The following MLLT3 variants were observed in gnomAD, a reference collection of about 807,000 sequenced individuals.
MLLT3 encodes MLLT3 super elongation complex subunit.
In MLLT3, 4 loss-of-function variants were observed where a neutral mutation model predicts 53.2. The observed-to-expected ratio is 0.08, with a 90% CI of 0.04 to 0.17. The LOEUF (loss-of-function observed/expected upper bound fraction) is 0.17, where lower values mean the gene tolerates loss of function less well. Ranked by LOEUF, MLLT3 falls within the 10% of genes least tolerant of loss-of-function variation. The pLI is 1.00. For synonymous variants in MLLT3, 283 were observed against 230.6 expected (o/e 1.23, Z -2.06); for missense variants, 569 against 684.0 (o/e 0.83, Z 1.87).
At chr9:20,449,250 G>A (rs867276710) in intron 3 of MLLT3, among the ~76,000 whole-genome samples, 3 of 152,098 alleles carry the variant, frequency 2.0e-5, no homozygotes, top group Admixed American at 6.6e-5. Context: ...AATCATCATT[G>A]TGCCCTCAAA....
chr9:20,543,195 G>A (rs1818687559), intron 2 of MLLT3, among the ~76,000 whole-genome samples: 1 of 152,200 alleles, frequency 6.6e-6, no homozygotes, highest in Non-Finnish European at 1.5e-5. Context: ...GTTCACTGAA[G>A]GAGCACATTT....
At chr9:20,374,483 A>G (rs946665317) in intron 5 of MLLT3, among the ~76,000 whole-genome samples, 2 of 152,234 alleles carry the variant, frequency 1.3e-5, no homozygotes, top group African/African-American at 4.8e-5. Context: ...TGGGTAAAAT[A>G]TTGAGATAGC....
intron 2 of MLLT3, among the ~76,000 whole-genome samples, chr9:20,569,954 C>T (rs1819487064): frequency 6.6e-6 from 1 of 152,198 alleles, no homozygotes; most frequent in East Asian, 1.9e-4. Context: ...GTTGGCTCCT[C>T]ATTTGCCCCC....
intron 10 of MLLT3, among the ~76,000 whole-genome samples, chr9:20,351,210 G>A (rs1399969337): frequency 2.6e-5 from 4 of 152,170 alleles, no homozygotes; most frequent in Admixed American, 6.5e-5. Context: ...ATTCTAATAC[G>A]CCACAGATTC....
At position 20,616,373 on chromosome 9, in the gene MLLT3, A is replaced by G. The variant is rs367697745; in HGVS notation, c.193+4281T>C. Among the ~76,000 whole-genome samples, 33 of 152,316 alleles carry G rather than the reference A, an allele frequency of 2.2e-4. No homozygotes were observed. The East Asian group carries it at 2.9e-3, about 13-fold the overall frequency. On this transcript the variant is annotated intron_variant, in intron 2 of 10. Transcript: ENST00000380338. ...ACTTTTAGATCTTTAACTTTTAGAT[A>G]GCTACATGCTAATCCCTATTTTTAA...
At chr9:20,545,528 T>C (rs537979467) in intron 2 of MLLT3, among the ~76,000 whole-genome samples, 1 of 152,162 alleles carries the variant, frequency 6.6e-6, no homozygotes, top group Non-Finnish European at 1.5e-5. Flanking sequence ...TACTGTACAT[T>C]TGGAAACTAT....
chr9:20,457,270 C>T (rs1414433193), intron 2 of MLLT3, among the ~76,000 whole-genome samples: 4 of 97,066 alleles, frequency 4.1e-5, no homozygotes, highest in Admixed American at 1.5e-4. Flanking sequence ...TTTTTTGAGA[C>T]GGAGTTTCAC....
intron 2 of MLLT3, among the ~76,000 whole-genome samples, chr9:20,522,910 C>T (rs762601938): frequency 2.0e-5 from 3 of 151,888 alleles, no homozygotes; most frequent in East Asian, 1.9e-4. Flanking sequence ...TTCAGTGAGA[C>T]GTGATTGTGC....
Position 20,620,291 on chromosome 9 carries a change from A to ACGCGCG in MLLT3, c.193+362_193+363insCGCGCG, listed in dbSNP as rs1253221653. Among the ~76,000 whole-genome samples the ACGCGCG allele has an allele frequency of 2.1e-4, 29 of 140,852 alleles. No individual in the cohort carries two copies. Among genetic ancestry groups the ACGCGCG allele is most frequent in the African/African-American group, 7.5e-4 (28 of 37,506 alleles). 92.4% of individuals were successfully genotyped at this position (140,852 alleles called of 152,430 possible). ...CACACACACACACACACACACACACACACGCGCAAAGTGTTTATTCCCTCC... is the reference window on the plus strand; with the variant it reads ...CACACACACACACACACACACACACACGCGCGCACGCGCAAAGTGTTTATTCCCTCC... On this transcript the variant is annotated intron_variant, in intron 2 of 10. Transcript: ENST00000380338. The surrounding 1 kb of genome is among the most constrained non-coding windows in gnomAD (Gnocchi z 6.1).
chr9:20,503,363 T>C (rs550086872), intron 2 of MLLT3, among the ~76,000 whole-genome samples: 13 of 152,084 alleles, frequency 8.5e-5, no homozygotes, highest in Admixed American at 3.3e-4. Flanking sequence ...ATCAATGGAA[T>C]GGAATAGAGG....
At chr9:20,528,854 C>T (rs569706394) in intron 2 of MLLT3, among the ~76,000 whole-genome samples, 2 of 152,260 alleles carry the variant, frequency 1.3e-5, no homozygotes, top group East Asian at 3.9e-4. Flanking sequence ...TTTGGGGAAC[C>T]AGCATTTGGC....
intron 4 of MLLT3, among the ~76,000 whole-genome samples, chr9:20,447,432 G>C (rs766549440): frequency 6.6e-6 from 1 of 152,182 alleles, no homozygotes; most frequent in Non-Finnish European, 1.5e-5. Context: ...GATGATCCCA[G>C]TGACACTCAT....
chr9:20,548,973 C>T lies in MLLT3; in HGVS notation c.193+71681G>A, dbSNP rs975925501. 3.3e-5 allele frequency among the ~76,000 whole-genome samples: 5 copies of T among 152,046 alleles called. No individual in the cohort carries two copies. The South Asian group carries it at 8.3e-4, about 25-fold the overall frequency. Reference sequence around the variant, plus strand: ...AGGACTACAGCCATGCATCTCCATACCCGGCTAATTTTAGTATTTTTTGTA... The same window carrying T: ...AGGACTACAGCCATGCATCTCCATATCCGGCTAATTTTAGTATTTTTTGTA... On this transcript the variant is annotated intron_variant, in intron 2 of 10. Transcript: ENST00000380338.
chr9:20,380,882 G>C (rs573458832), intron 5 of MLLT3, among the ~76,000 whole-genome samples: 17 of 151,920 alleles, frequency 1.1e-4, no homozygotes, highest in African/African-American at 4.1e-4. Flanking sequence ...CTAAAAATGC[G>C]AAAGAAAGCC....
At chr9:20,561,355 G>A (rs1819205589) in intron 2 of MLLT3, among the ~76,000 whole-genome samples, 1 of 152,000 alleles carries the variant, frequency 6.6e-6, no homozygotes, top group Admixed American at 6.6e-5. Context: ...TCATTCTGAA[G>A]ACTATCCCCA....
chr9:20,476,608 C>T (rs887771264), intron 2 of MLLT3, among the ~76,000 whole-genome samples: 1 of 152,082 alleles, frequency 6.6e-6, no homozygotes, highest in African/African-American at 2.4e-5. Context: ...TATAAAATTA[C>T]ACCAGAGGCT....
chr9:20,614,318 C>T (rs1046121756), intron 2 of MLLT3, among the ~76,000 whole-genome samples: 88 of 150,504 alleles, frequency 5.8e-4, no homozygotes, highest in Non-Finnish European at 7.4e-5. Flanking sequence ...TAGTTGAACC[C>T]GGGAGGCAGA....
intron 10 of MLLT3, among the ~76,000 whole-genome samples, chr9:20,347,124 C>T (rs1430865881): frequency 6.7e-6 from 1 of 150,222 alleles, no homozygotes; most frequent in Non-Finnish European, 1.5e-5. Flanking sequence ...TCTACAATCC[C>T]ACCCCCTTAA....
At chr9:20,539,843 C>T (rs771596212) in intron 2 of MLLT3, among the ~76,000 whole-genome samples, 1 of 152,192 alleles carries the variant, frequency 6.6e-6, no homozygotes, top group Non-Finnish European at 1.5e-5. Flanking sequence ...AGTTCAAAGT[C>T]TCATCTGAGA....
Sources: gnomAD v4.1 joint callset for allele counts (sites outside exome capture counted in the v4.1 genomes callset) on GRCh38, gnomAD v4.1.1 for gene constraint, Gnocchi (gnomAD v3.1) non-coding constraint, MANE v1.5 for transcripts, NCBI Gene and HGNC (gene_info 2026-07-23, HGNC 2026-07-21) for gene names.